The following TSNARE1 variants were observed in gnomAD, a reference collection of about 807,000 sequenced individuals.
The protein encoded by TSNARE1 is t-SNARE domain-containing protein 1.
TSNARE1 carries 49 observed loss-of-function variants against 62.0 expected under a neutral mutation model. That is an observed-to-expected ratio of 0.79 (90% CI 0.63 to 1.00). The LOEUF (loss-of-function observed/expected upper bound fraction) is 1.00. TSNARE1 is among the 50% of genes least tolerant of loss of function. TSNARE1 has a pLI of 0.00. For synonymous variants in TSNARE1, 328 were observed against 294.4 expected (o/e 1.11, Z -1.17); for missense variants, 755 against 700.1 (o/e 1.08, Z -0.88).
intron 11 of TSNARE1, chr8:142,280,004 C>T (rs1439481539): frequency 4.2e-6 from 5 of 1,191,876 alleles, no homozygotes; most frequent in Non-Finnish European, 5.3e-6. Context: ...CCTCGCAGGT[C>T]CCGCCACTTG....
intron 9 of TSNARE1, among the ~76,000 whole-genome samples, chr8:142,303,399 G>A (rs901767687): frequency 4.6e-5 from 7 of 152,328 alleles, no homozygotes; most frequent in East Asian, 3.9e-4. Flanking sequence ...GCCCAGCGAG[G>A]TGCCCCGCCT....
At chr8:142,331,067 G>T in intron 5 of TSNARE1, 97 bp from the exon 6 acceptor site, 3 of 1,096,348 alleles carry the variant, frequency 2.7e-6, no homozygotes, top group Non-Finnish European at 4.1e-6. Flanking sequence ...GGCAGGGTGA[G>T]CAGAGCCCAG....
At chr8:142,317,767 G>A (rs941810175) in intron 7 of TSNARE1, among the ~76,000 whole-genome samples, 1 of 152,126 alleles carries the variant, frequency 6.6e-6, no homozygotes, top group African/African-American at 2.4e-5. Flanking sequence ...AGACCAGCCT[G>A]AGCAACATGG....
rs768899237 is a variant in TSNARE1, at chr8:142,315,772, C to T, written c.985-680G>A. On this transcript the variant is annotated intron_variant, in intron 7 of 13. Coordinates refer to ENST00000524325, the MANE Select transcript of TSNARE1 (RefSeq NM_145003.5). The stretch of plus-strand genomic sequence containing the variant: ...CTCCCAGCACCCACCCCATGGCTAT[C>T]GGAGGATTGGAGAGAGCCAAGGCTA... 5.3e-5 allele frequency among the ~76,000 whole-genome samples: 8 copies of T among 152,334 alleles called. No individual in the cohort carries two copies. In the South Asian group the frequency reaches 8.3e-4, roughly 16 times the overall value.
At chr8:142,305,880 T>C (rs895218823) in intron 9 of TSNARE1, among the ~76,000 whole-genome samples, 1 of 152,110 alleles carries the variant, frequency 6.6e-6, no homozygotes, top group African/African-American at 2.4e-5. Flanking sequence ...TGCTCTAACG[T>C]GAGTGCTGGA....
intron 12 of TSNARE1, among the ~76,000 whole-genome samples, chr8:142,249,848 C>T (rs889854089): frequency 6.6e-6 from 1 of 152,234 alleles, no homozygotes; most frequent in African/African-American, 2.4e-5. Context: ...GGAAGCATGG[C>T]AGCAAAGCCA....
chr8:142,316,415 C>G (rs1828533546), intron 7 of TSNARE1, among the ~76,000 whole-genome samples: 1 of 151,782 alleles, frequency 6.6e-6, no homozygotes. Flanking sequence ...CTCTGGCCAC[C>G]CCATCACTGG....
At chr8:142,350,630 T>C (rs1455365945) in intron 2 of TSNARE1, among the ~76,000 whole-genome samples, 1 of 151,488 alleles carries the variant, frequency 6.6e-6, no homozygotes, top group Non-Finnish European at 1.5e-5. Flanking sequence ...AAACACATAA[T>C]AGGTGAAAGC....
chr8:142,340,454 C>A (rs1035107706), intron 4 of TSNARE1, among the ~76,000 whole-genome samples: 1 of 152,162 alleles, frequency 6.6e-6, no homozygotes, highest in Non-Finnish European at 1.5e-5. Context: ...GGTGGGGTGA[C>A]TGCCTAGGGC....
chr8:142,280,391 C>T, intron 11 of TSNARE1: 1 of 900,780 alleles, frequency 1.1e-6, no homozygotes, highest in Non-Finnish European at 1.3e-6. Flanking sequence ...TTCGGGGTCA[C>T]AGGTCATCAC....
chr8:142,277,716 G>A, intron 11 of TSNARE1: 1 of 985,450 alleles, frequency 1.0e-6, no homozygotes, highest in Non-Finnish European at 1.2e-6. Context: ...CCGTGCTGCA[G>A]GGGAGCCCAG....
intron 1 of TSNARE1, among the ~76,000 whole-genome samples, chr8:142,371,768 A>T (rs1835933973): frequency 6.6e-6 from 1 of 152,014 alleles, no homozygotes; most frequent in Non-Finnish European, 1.5e-5. Context: ...GCCAACTCTT[A>T]AAAAAAAGAG....
chr8:142,324,302 C>T (rs538256503), intron 6 of TSNARE1, among the ~76,000 whole-genome samples: 53 of 152,212 alleles, frequency 3.5e-4, no homozygotes, highest in Admixed American at 1.2e-3. Flanking sequence ...GCCAGGCAGG[C>T]GGCTACAGGG....
intron 9 of TSNARE1, among the ~76,000 whole-genome samples, chr8:142,306,170 A>G (rs1322823341): frequency 1.3e-5 from 2 of 152,216 alleles, no homozygotes; most frequent in Non-Finnish European, 2.9e-5. Flanking sequence ...AGCCCAGAAC[A>G]TCAGGACGGA....
chr8:142,239,551 T>G (rs1817589052), intron 12 of TSNARE1, among the ~76,000 whole-genome samples: 1 of 152,268 alleles, frequency 6.6e-6, no homozygotes, highest in African/African-American at 2.4e-5. Flanking sequence ...AGAAGAAGTT[T>G]TAAAAATAGA....
chr8:142,378,151 T>C (rs1408360215), intron 1 of TSNARE1, among the ~76,000 whole-genome samples: 1 of 152,212 alleles, frequency 6.6e-6, no homozygotes, highest in South Asian at 2.1e-4. Context: ...TTGTGCCGAT[T>C]GCCCCAAACA....
At chr8:142,256,798 G>C (rs1378147839) in intron 12 of TSNARE1, among the ~76,000 whole-genome samples, 2 of 152,212 alleles carry the variant, frequency 1.3e-5, no homozygotes, top group African/African-American at 4.8e-5. Context: ...GGTTCTGCCT[G>C]ACTCTGGGGA....
intron 13 of TSNARE1, among the ~76,000 whole-genome samples, chr8:142,229,236 A>G (rs1295429531): frequency 7.9e-5 from 11 of 138,500 alleles, no homozygotes; most frequent in Non-Finnish European, 1.7e-4. Flanking sequence ...TGGATGGATG[A>G]TGGATGGATG....
chr8:142,390,245 C>T (rs753737564), intron 1 of TSNARE1, among the ~76,000 whole-genome samples: 2 of 150,092 alleles, frequency 1.3e-5, no homozygotes, highest in Non-Finnish European at 3.0e-5. Context: ...GACTTTATAA[C>T]AGACGCTGTA....
Sources: gnomAD v4.1 joint callset for allele counts (sites outside exome capture counted in the v4.1 genomes callset) on GRCh38, gnomAD v4.1.1 for gene constraint, MANE v1.5 for transcripts, NCBI Gene and HGNC (gene_info 2026-07-23, HGNC 2026-07-21) for gene names.